The following FAR2 variants were observed in gnomAD, a reference collection of about 807,000 sequenced individuals.
FAR2 encodes fatty acyl-CoA reductase 2, also known as epididymis secretory protein Li 81.
In FAR2, 19 loss-of-function variants were observed where a neutral mutation model predicts 56.0. The ratio of observed to expected loss-of-function variants is 0.34; its 90% confidence interval spans 0.24 to 0.50. The LOEUF is 0.50. Among genes scored for constraint, FAR2 ranks in the 20% least tolerant of loss-of-function variants. The probability of loss-of-function intolerance (pLI) is 0.98; values close to 1 mark genes in which losing one functional copy is unlikely to be tolerated. For missense variants in FAR2, 508 were observed against 642.2 expected (o/e 0.79, Z 2.26); for synonymous variants, 219 against 218.8 (o/e 1.00, Z -0.01).
intron 1 of FAR2, among the ~76,000 whole-genome samples, chr12:29,267,877 CA>C (rs1454107009): frequency 6.6e-6 from 1 of 152,192 alleles, no homozygotes; most frequent in Non-Finnish European, 1.5e-5. Context: ...GCATGTGCAG[CA>C]GTCTATGATC....
chr12:29,314,794 A>AT (rs1261709037), intron 8 of FAR2, among the ~76,000 whole-genome samples: 1 of 152,024 alleles, frequency 6.6e-6, no homozygotes, highest in South Asian at 2.1e-4. Context: ...TATTATTATT[A>AT]TTTTTTTACC....
At chr12:29,169,221 T>C (rs1299485721) in intron 1 of FAR2, among the ~76,000 whole-genome samples, 3 of 152,214 alleles carry the variant, frequency 2.0e-5, no homozygotes, top group Non-Finnish European at 4.4e-5. Flanking sequence ...CAATGACCAC[T>C]GTAGCTACTT....
chr12:29,328,435 G>T (rs1949681186), intron 10 of FAR2, among the ~76,000 whole-genome samples: 2 of 151,974 alleles, frequency 1.3e-5, no homozygotes, highest in Admixed American at 1.3e-4. Context: ...AAATCATGCT[G>T]CTATAAAGAC....
chr12:29,181,510 C>T (rs913588242), intron 1 of FAR2, among the ~76,000 whole-genome samples: 5 of 152,210 alleles, frequency 3.3e-5, no homozygotes, highest in Non-Finnish European at 7.3e-5. Context: ...CGGAAACTTT[C>T]AGTGCCTCTC....
rs1161798130 is a variant in FAR2 at position 29,297,195 on chromosome 12, C to T, written c.540C>T (p.Ser180=). 1.9e-6 allele frequency: 3 copies of T among 1,610,622 alleles called. No individual in the cohort carries two copies. Among genetic ancestry groups the T allele is most frequent in the Non-Finnish European group, 2.5e-6 (3 of 1,178,892 alleles). Reference sequence around the variant, plus strand: ...TGGAGCCAAAAAAAATCATTGATTCCCTTGAGTAAGTTGGTCTAATAAAAG... The same window carrying T: ...TGGAGCCAAAAAAAATCATTGATTCTCTTGAGTAAGTTGGTCTAATAAAAG... ...CPVEPKKIID[S]LEWLDDAIID... Residue 180 remains serine, a synonymous_variant, in exon 4 of 12, where the codon TCC becomes TCT. Transcript: ENST00000536681.
chr12:29,295,611 T>C (rs1302969345), intron 3 of FAR2, among the ~76,000 whole-genome samples: 3 of 152,060 alleles, frequency 2.0e-5, no homozygotes, highest in African/African-American at 4.8e-5. Flanking sequence ...GTTTTCCCAT[T>C]TTATTCAATT....
intron 4 of FAR2, among the ~76,000 whole-genome samples, chr12:29,303,986 A>G (rs192024536): frequency 1.6e-3 from 239 of 152,352 alleles, no homozygotes; most frequent in African/African-American, 5.6e-3. Flanking sequence ...AGGGAAATAC[A>G]GAGGCCAATT....
At position 29,149,422 on chromosome 12, in the gene FAR2, C is replaced by T. The variant is rs1262977952; in HGVS notation, c.-39+15C>T. The T allele has an allele frequency of 1.3e-5, 2 of 152,392 alleles. No individual in the cohort carries two copies. Among genetic ancestry groups the T allele is most frequent in the East Asian group, 3.9e-4 (2 of 5,188 alleles). 9.4% of individuals were successfully genotyped at this position (152,392 alleles called of 1,614,324 possible). A position where few individuals can be genotyped will look rare whatever the true frequency, so the allele number is the denominator to read the frequency against. On this transcript the variant is annotated intron_variant, in intron 1 of 11. Transcript: ENST00000536681. The stretch of plus-strand genomic sequence containing the variant: ...TGGAGGAACAGGTATTCCAGGGTCC[C>T]CAGCCCTGGCGCTCGCAGAGCCCAC...
At chr12:29,173,601 G>A (rs1949908609) in intron 1 of FAR2, among the ~76,000 whole-genome samples, 1 of 152,110 alleles carries the variant, frequency 6.6e-6, no homozygotes, top group Non-Finnish European at 1.5e-5. Flanking sequence ...CCAGGCCATA[G>A]TGCAGAAAAA....
chr12:29,333,069 C>A, intron 11 of FAR2: 1 of 360,602 alleles, frequency 2.8e-6, no homozygotes. Flanking sequence ...TATAAATACC[C>A]AACAGGCAGG....
chr12:29,321,915 A>G lies in FAR2; in HGVS notation c.1248A>G (p.Glu416=), dbSNP rs373071720. Residue 416 remains glutamate (E), a synonymous_variant, in exon 10 of 12, where the codon GAA becomes GAG. Coordinates refer to ENST00000536681, the MANE Select transcript of FAR2 (RefSeq NM_001271783.2). ...TGCTGATGTCTGAGCTGAGTCCTGA[A>G]GACCAGAGAGTAAGTAGAGCACTGA... ...TEMLMSELSP[E]DQRVFNFDVR... is the part of the protein sequence containing the mutation. 1 of 1,612,740 alleles carries G rather than the reference A, an allele frequency of 6.2e-7. No homozygotes were observed. The highest frequency in any genetic ancestry group is 8.5e-7 in the Non-Finnish European group (1 of 1,179,266).
At chr12:29,247,789 C>T (rs755473364) in intron 1 of FAR2, among the ~76,000 whole-genome samples, 2 of 152,148 alleles carry the variant, frequency 1.3e-5, no homozygotes, top group Non-Finnish European at 2.9e-5. Context: ...GAAGAAATGA[C>T]CGTATCTTGT....
At chr12:29,243,038 C>G (rs897014779) in intron 1 of FAR2, among the ~76,000 whole-genome samples, 7 of 152,156 alleles carry the variant, frequency 4.6e-5, no homozygotes, top group Admixed American at 4.6e-4. Context: ...CTCAAAGGCA[C>G]GCAGGAGAGT....
At chr12:29,318,559 T>C (rs1591965425) in intron 9 of FAR2, among the ~76,000 whole-genome samples, 1 of 152,178 alleles carries the variant, frequency 6.6e-6, no homozygotes, top group Non-Finnish European at 1.5e-5. Context: ...TTAGCAATAA[T>C]CTTTATGGCA....
chr12:29,319,968 G>A (rs982199354), intron 9 of FAR2, among the ~76,000 whole-genome samples: 1 of 152,342 alleles, frequency 6.6e-6, no homozygotes, highest in Admixed American at 6.5e-5. Context: ...TTTGGAGGCT[G>A]AGGAAGGAGT....
At chr12:29,277,403 T>A (rs1373533438) in intron 2 of FAR2, 2 of 152,184 alleles carry the variant, frequency 1.3e-5, no homozygotes, top group Admixed American at 1.3e-4. Context: ...CACACAAATA[T>A]GACAAGTATT....
At chr12:29,329,313 T>C (rs1804755208) in intron 10 of FAR2, among the ~76,000 whole-genome samples, 1 of 152,234 alleles carries the variant, frequency 6.6e-6, no homozygotes, top group African/African-American at 2.4e-5. Context: ...CTCCATGGAA[T>C]TTTCCTGCCG....
At chr12:29,167,830 C>T (rs10771486) in intron 1 of FAR2, among the ~76,000 whole-genome samples, 23,561 of 152,148 alleles carry the variant, frequency 0.15, 1,943 homozygotes, top group South Asian at 0.28. Flanking sequence ...AAATATATGA[C>T]GGTAAATTGC....
At chr12:29,159,552 A>G (rs1407541981) in intron 1 of FAR2, among the ~76,000 whole-genome samples, 1 of 150,144 alleles carries the variant, frequency 6.7e-6, no homozygotes, top group Non-Finnish European at 1.5e-5. Context: ...ATGATGGGAA[A>G]TAGAGTTGAA....
Sources: allele counts gnomAD v4.1 joint callset (sites outside exome capture counted in the v4.1 genomes callset), GRCh38; gene constraint gnomAD v4.1.1; transcripts MANE v1.5; gene names NCBI Gene and HGNC (gene_info 2026-07-23, HGNC 2026-07-21).